MRAP2: variants seen among roughly 807,000 people sequenced by gnomAD.
MRAP2 encodes melanocortin 2 receptor accessory protein 2.
In MRAP2, 20 loss-of-function variants were observed where a neutral mutation model predicts 17.4. The ratio of observed to expected loss-of-function variants is 1.15; its 90% CI spans 0.81 to 1.67. The LOEUF (loss-of-function observed/expected upper bound fraction) is 1.67, where lower values mean the gene tolerates loss of function less well. Among genes scored for constraint, MRAP2 ranks in the 40% most tolerant of loss-of-function variants. The pLI is 0.00. For synonymous variants in MRAP2, 96 were observed against 88.4 expected (o/e 1.09, Z -0.48); for missense variants, 238 against 240.0 (o/e 0.99, Z 0.05).
chr6:84,037,801 C>T (rs372973770), intron 1 of MRAP2, among the ~76,000 whole-genome samples: 101 of 152,024 alleles, frequency 6.6e-4, no homozygotes, highest in African/African-American at 2.3e-3. Flanking sequence ...CTGGCCAGCC[C>T]GGGTTCCTGC....
the MRAP2 span, among the ~76,000 whole-genome samples, chr6:84,138,100 AAC>A: frequency 1.2e-4 from 19 of 152,228 alleles, no homozygotes; most frequent in Non-Finnish European, 2.6e-4. Flanking sequence ...AAATGTTAAA[AAC>A]ACATAAGCAA....
chr6:84,062,972 G>T lies in MRAP2; in HGVS notation c.207G>T (p.Lys69Asn). 1 of 1,614,150 alleles carries T rather than the reference G, an allele frequency of 6.2e-7. No individual in the cohort carries two copies. The highest frequency in any genetic ancestry group is 1.1e-5 in the South Asian group (1 of 91,084). The part of the protein sequence containing the change: ...FMFFVLTLLT[K>N]TGAPHQDNAE... ...TTTTTGTGCTGACCTTGCTGACCAA[G>T]ACAGGAGCCCCACACCAAGAGTAAG... Residue 69 changes from lysine (K) to asparagine (N), a missense_variant, in exon 3 of 4, where the codon AAG becomes AAT. Physicochemically the swap from Lys to Asn is moderately conservative, Grantham distance 94 (BLOSUM62 0). Coordinates refer to ENST00000257776, the MANE Select transcript of MRAP2 (RefSeq NM_138409.4).
rs143321194 is a variant in MRAP2 at position 84,067,183 on chromosome 6, G to A, written c.227+4191G>A. Among the ~76,000 whole-genome samples the A allele has an allele frequency of 5.9e-3, 901 of 152,228 alleles. 4 individuals carry two copies. Among genetic ancestry groups the A allele is most frequent in the African/African-American group, 0.021 (869 of 41,514 alleles). ...ACTTCACTTAGAATAACAGTCTCCA[G>A]TCCCATCCAGATTGCTGCAAATGCT... On this transcript the variant is annotated intron_variant, in intron 3 of 3. Transcript: ENST00000257776.
At chr6:84,111,550 A>C in the MRAP2 span, among the ~76,000 whole-genome samples, 1 of 152,098 alleles carries the variant, frequency 6.6e-6, no homozygotes, top group East Asian at 1.9e-4. Context: ...CATCTGCAAA[A>C]AGAGACAATT....
chr6:84,057,809 G>T (rs1358396104), intron 2 of MRAP2, among the ~76,000 whole-genome samples: 1 of 152,286 alleles, frequency 6.6e-6, no homozygotes, highest in African/African-American at 2.4e-5. Flanking sequence ...TAAATAGAGT[G>T]GGGGTAAAGG....
At position 84,064,680 on chromosome 6, in the gene MRAP2, G is replaced by GA. The variant is rs2099494147; in HGVS notation, c.227+1688_227+1689insA. On this transcript the variant is annotated intron_variant, in intron 3 of 3. Transcript: ENST00000257776. The stretch of plus-strand genomic sequence containing the variant: ...TTTTTTGTATTTTTAGTAGAGACAG[G>GA]GTTTCACCATGTTAGCCAGGATGGT... Among the ~76,000 whole-genome samples the GA allele has an allele frequency of 3.3e-5, 5 of 152,222 alleles. No homozygotes were observed. In the East Asian group the frequency reaches 9.7e-4, roughly 30 times the overall value.
chr6:84,129,771 G>C, the MRAP2 span, among the ~76,000 whole-genome samples: 5 of 152,058 alleles, frequency 3.3e-5, no homozygotes, highest in Admixed American at 3.3e-4. Context: ...GAGATGATGG[G>C]GTTTTCTAAA....
At chr6:84,127,024 A>C in the MRAP2 span, among the ~76,000 whole-genome samples, 3 of 152,146 alleles carry the variant, frequency 2.0e-5, no homozygotes, top group Non-Finnish European at 4.4e-5. Flanking sequence ...GTATACATAT[A>C]AAGTAGAAAT....
chr6:84,145,229 A>T, the MRAP2 span, among the ~76,000 whole-genome samples: 1 of 152,106 alleles, frequency 6.6e-6, no homozygotes, highest in Non-Finnish European at 1.5e-5. Flanking sequence ...AGAGAAAGGA[A>T]TTTACCTGGA....
At chr6:84,091,681 C>T (rs2099501805), downstream of MRAP2, among the ~76,000 whole-genome samples, 1 of 152,154 alleles carries the variant, frequency 6.6e-6, no homozygotes, top group Non-Finnish European at 1.5e-5. Flanking sequence ...ACTTAAACGT[C>T]AGACAAATAC....
intron 3 of MRAP2, among the ~76,000 whole-genome samples, chr6:84,085,663 C>T (rs754864527): frequency 1.4e-4 from 22 of 152,138 alleles, no homozygotes; most frequent in Admixed American, 3.9e-4. Flanking sequence ...GAAATTTTAA[C>T]CCAGGCATGC....
the MRAP2 span, among the ~76,000 whole-genome samples, chr6:84,115,461 G>A: frequency 6.6e-6 from 1 of 152,188 alleles, no homozygotes; most frequent in Non-Finnish European, 1.5e-5. Flanking sequence ...ACCTCAGACT[G>A]CTGTGCTGGC....
intron 1 of MRAP2, among the ~76,000 whole-genome samples, chr6:84,043,601 A>G (rs981108252): frequency 4.2e-5 from 6 of 143,124 alleles, no homozygotes; most frequent in Non-Finnish European, 6.0e-5. Context: ...TGTTGTTTCT[A>G]CTGTCTATGT....
chr6:84,067,236 T>C (rs1217204276), intron 3 of MRAP2, among the ~76,000 whole-genome samples: 1 of 152,180 alleles, frequency 6.6e-6, no homozygotes, highest in East Asian at 1.9e-4. Context: ...TATGGCTGAG[T>C]AGTGTCCCAC....
the MRAP2 span, among the ~76,000 whole-genome samples, chr6:84,141,611 C>G: frequency 1.3e-5 from 2 of 152,188 alleles, no homozygotes; most frequent in Non-Finnish European, 2.9e-5. Context: ...AAATGCCCAG[C>G]TGCCTACTAA....
chr6:84,093,858 C>G, downstream of MRAP2, among the ~76,000 whole-genome samples: 2 of 152,184 alleles, frequency 1.3e-5, 1 homozygote. Flanking sequence ...TCCCTAATCC[C>G]TTAAAGCAGG....
At chr6:84,050,158 C>T (rs1283568617) in intron 1 of MRAP2, among the ~76,000 whole-genome samples, 1 of 151,908 alleles carries the variant, frequency 6.6e-6, no homozygotes, top group African/African-American at 2.4e-5. Context: ...AATCCACGCC[C>T]CAGGAAAGAC....
At chr6:84,117,007 CTTT>C in the MRAP2 span, among the ~76,000 whole-genome samples, 1 of 150,938 alleles carries the variant, frequency 6.6e-6, no homozygotes, top group Admixed American at 6.6e-5. Flanking sequence ...TTTTCTTTCT[CTTT>C]TTTCTTCTTC....
intron 3 of MRAP2, among the ~76,000 whole-genome samples, chr6:84,080,870 G>C (rs1445484935): frequency 1.3e-5 from 2 of 152,182 alleles, no homozygotes; most frequent in East Asian, 3.8e-4. Context: ...CAGGGGATTA[G>C]GTGAGACTTG....
Sources: gnomAD v4.1 joint callset for allele counts (sites outside exome capture counted in the v4.1 genomes callset) on GRCh38, gnomAD v4.1.1 for gene constraint, MANE v1.5 for transcripts, NCBI Gene and HGNC (gene_info 2026-07-23, HGNC 2026-07-21) for gene names.